Variants in FOXK1 observed in about 807,000 individuals in gnomAD.
FOXK1 encodes forkhead box protein K1.
FOXK1 carries 19 observed loss-of-function variants against 51.9 expected under a neutral mutation model. That is an observed-to-expected ratio of 0.37 (90% CI 0.26 to 0.54). The LOEUF is 0.54. Among genes scored for constraint, FOXK1 ranks in the 20% least tolerant of loss-of-function variants. FOXK1 has a pLI of 0.87. For missense variants in FOXK1, 870 were observed against 1,032.7 expected, an observed-to-expected ratio of 0.84 and a Z score of 2.16; for synonymous variants, 537 against 482.6, an observed-to-expected ratio of 1.11 and a Z score of -1.48.
intron 1 of FOXK1, among the ~76,000 whole-genome samples, chr7:4,684,072 C>G (rs1026215926): frequency 1.6e-4 from 25 of 152,214 alleles, no homozygotes; most frequent in Admixed American, 2.0e-4. Context: ...CACCTCCCGC[C>G]CATTCCGGTT....
At position 4,767,626 on chromosome 7, in the gene FOXK1, T is replaced by C. The variant is rs750369524; in HGVS notation, c.*5162T>C. The C allele has an allele frequency of 2.0e-5, 3 of 152,234 alleles. No individual in the cohort carries two copies. Among genetic ancestry groups the C allele is most frequent in the East Asian group, 1.9e-4 (1 of 5,192 alleles). 9.4% of individuals were successfully genotyped at this position (152,234 alleles called of 1,614,324 possible). On this transcript the variant is annotated 3_prime_UTR_variant, in exon 9 of 9. Coordinates refer to ENST00000328914, the MANE Select transcript of FOXK1 (RefSeq NM_001037165.2). The surrounding 1 kb of genome is among the most constrained non-coding windows in gnomAD (Gnocchi z 6.6). ...GGAAATGAGGGTAGAATTTGAAATA[T>C]AACAAATGGTCTCTCGCCCGGTTCT...
intron 1 of FOXK1, among the ~76,000 whole-genome samples, chr7:4,692,866 A>G (rs1000320518): frequency 2.6e-5 from 4 of 152,286 alleles, no homozygotes; most frequent in Middle Eastern, 6.8e-3. Context: ...AGCTGGGACC[A>G]CAGGTGAGCA....
At chr7:4,701,949 C>A (rs899005392) in intron 1 of FOXK1, among the ~76,000 whole-genome samples, 1 of 152,032 alleles carries the variant, frequency 6.6e-6, no homozygotes, top group Admixed American at 6.6e-5. Flanking sequence ...GTGGTGCTTG[C>A]CTGTACTCGC....
At chr7:4,706,964 C>T (rs1202581474) in intron 1 of FOXK1, among the ~76,000 whole-genome samples, 1 of 152,228 alleles carries the variant, frequency 6.6e-6, no homozygotes, top group African/African-American at 2.4e-5. Context: ...TTCCGGGCCA[C>T]TTCCCTCTAC....
chr7:4,739,900 G>T (rs544881589), intron 1 of FOXK1, among the ~76,000 whole-genome samples: 1 of 152,374 alleles, frequency 6.6e-6, no homozygotes, highest in East Asian at 1.9e-4. Context: ...TGCCCTGGCA[G>T]ACAGGAAGTA....
rs559377342 is a variant in FOXK1, at chr7:4,761,422, C to G, written c.1921+134C>G. 6.4e-6 allele frequency: 6 copies of G among 937,324 alleles called. No homozygotes were observed. Among genetic ancestry groups the G allele is most frequent in the East Asian group, 5.3e-5 (2 of 37,716 alleles). The allele number at this position is 937,324 out of a possible 1,614,324, so 58.1% of individuals were successfully genotyped here. A position where few individuals can be genotyped will look rare whatever the true frequency, so the allele number is the denominator to read the frequency against. ...CAATTTATTGAGCACCTGCTATACT[C>G]CAGGCACTGGGGTAATGCAAAGAAA... On this transcript the variant is annotated intron_variant, in intron 8 of 8. Transcript: ENST00000328914. This position sits in a 1 kb window ranked among gnomAD's most constrained non-coding sequence, Gnocchi z 6.2.
chr7:4,731,373 A>G lies in FOXK1; in HGVS notation c.561-9465A>G, dbSNP rs1780474568. Among the ~76,000 whole-genome samples, 1 of 152,258 alleles carries G rather than the reference A, an allele frequency of 6.6e-6. No homozygotes were observed. Among genetic ancestry groups the G allele is most frequent in the Non-Finnish European group, 1.5e-5 (1 of 68,048 alleles). ...ACACGTTGCAGCCTGCAAAATTCGA[A>G]AAGTACCTGGAGTATGTAACAGCTT... is the stretch of plus-strand genomic sequence containing the variant. On this transcript the variant is annotated intron_variant, in intron 1 of 8. Transcript: ENST00000328914. The surrounding 1 kb of genome is among the most constrained non-coding windows in gnomAD (Gnocchi z 5.3).
intron 1 of FOXK1, among the ~76,000 whole-genome samples, chr7:4,728,754 AAG>A (rs1472780540): frequency 1.3e-5 from 2 of 151,444 alleles, no homozygotes; most frequent in Admixed American, 1.3e-4. Flanking sequence ...AAAAAAAAGA[AAG>A]AAAAGAAAAC....
chr7:4,759,678 C>T (rs1188029031), intron 7 of FOXK1, 83 bp downstream of exon 7: 26 of 1,428,392 alleles, frequency 1.8e-5, no homozygotes, highest in Non-Finnish European at 2.4e-5. Context: ...CGCCATTGGC[C>T]TGGGCCTGGG....
chr7:4,737,462 A>ATG lies in FOXK1; in HGVS notation c.561-3365_561-3364dup, dbSNP rs923540727. ...TGCGTGTGTGTGCGTGCACGTGTGC[A>ATG]TGTGTGTGTGTGCGTGGGTGTGGGC... On this transcript the variant is annotated intron_variant, in intron 1 of 8. Coordinates refer to ENST00000328914, the MANE Select transcript of FOXK1 (RefSeq NM_001037165.2). Among the ~76,000 whole-genome samples the ATG allele has an allele frequency of 1.0e-4, 15 of 150,548 alleles. No individual in the cohort carries two copies. In the South Asian group the frequency reaches 1.9e-3, roughly 19 times the overall value.
rs1780685069 is a variant in FOXK1, at chr7:4,745,114, C to T, written c.746+4091C>T. ...CACTCTCCTCCTCTCTGGCTGCGCT[C>T]CCTAACAGATCGGGAGGTGGGAGCG... On this transcript the variant is annotated intron_variant, in intron 2 of 8. Transcript: ENST00000328914. This position sits in a 1 kb window ranked among gnomAD's most constrained non-coding sequence, Gnocchi z 4.3. Among the ~76,000 whole-genome samples the T allele has an allele frequency of 6.6e-6, 1 of 152,234 alleles. No individual in the cohort carries two copies.
intron 1 of FOXK1, among the ~76,000 whole-genome samples, chr7:4,737,399 C>T (rs772362453): frequency 3.3e-5 from 5 of 152,174 alleles, no homozygotes; most frequent in East Asian, 2.0e-4. Flanking sequence ...TGACTGCCAT[C>T]GTGTCCAGCA....
chr7:4,717,913 G>A (rs1294196506), intron 1 of FOXK1, among the ~76,000 whole-genome samples: 1 of 152,134 alleles, frequency 6.6e-6, no homozygotes, highest in African/African-American at 2.4e-5. Flanking sequence ...TTGTAAAAGT[G>A]GGAGAATATT....
At chr7:4,713,829 C>G (rs981546459) in intron 1 of FOXK1, among the ~76,000 whole-genome samples, 12 of 149,104 alleles carry the variant, frequency 8.0e-5, no homozygotes, top group African/African-American at 3.0e-4. Context: ...TTCTTTTTTT[C>G]TTTTCTTTTT....
At chr7:4,689,053 T>G (rs948820902) in intron 1 of FOXK1, among the ~76,000 whole-genome samples, 5 of 151,914 alleles carry the variant, frequency 3.3e-5, no homozygotes, top group African/African-American at 1.2e-4. Context: ...CTTGGCTCAT[T>G]GCAACCCCCT....
rs1781090964 is a variant in FOXK1, at chr7:4,770,902, T to TGTGTGTGC, written c.*8438_*8439insGTGTGTGC. On this transcript the variant is annotated 3_prime_UTR_variant, in exon 9 of 9. Coordinates refer to ENST00000328914, the MANE Select transcript of FOXK1 (RefSeq NM_001037165.2). ...GTGTGTGTGTGTGTGTGTGTGTGTG[T>TGTGTGTGC]ATTTTTTTTTTTACAGTGGCGCCTG... 1.4e-5 allele frequency: 2 copies of TGTGTGTGC among 140,248 alleles called. No individual in the cohort carries two copies. Among genetic ancestry groups the TGTGTGTGC allele is most frequent in the African/African-American group, 5.4e-5 (2 of 37,052 alleles). The allele number at this position is 140,248 out of a possible 1,614,324, so 8.7% of individuals were successfully genotyped here.
rs1206998172 is a variant in FOXK1 at position 4,731,229 on chromosome 7, C to T, written c.561-9609C>T. On this transcript the variant is annotated intron_variant, in intron 1 of 8. Coordinates refer to ENST00000328914, the MANE Select transcript of FOXK1 (RefSeq NM_001037165.2). This position sits in a 1 kb window ranked among gnomAD's most constrained non-coding sequence, Gnocchi z 5.3. ...CAAGTCAAGCTCTGCTGTTCCCCGG[C>T]CTTCCCTTGAGACTCTTGGGGGCCT... 6.6e-6 allele frequency among the ~76,000 whole-genome samples: 1 copy of T among 152,196 alleles called. No homozygotes were observed. The highest frequency in any genetic ancestry group is 1.5e-5 in the Non-Finnish European group (1 of 68,024).
chr7:4,759,586 G>A lies in FOXK1; in HGVS notation c.1687G>A (p.Glu563Lys), dbSNP rs763284610. 31 of 1,536,008 alleles carry A rather than the reference G, an allele frequency of 2.0e-5. No individual in the cohort carries two copies. The East Asian group carries it at 6.8e-4, about 34-fold the overall frequency. The change falls in exon 7 of 9, where the codon GAG becomes AAG. Residue 563 changes from glutamate to lysine, a missense_variant. Physicochemically the swap from Glu to Lys is moderately conservative, Grantham distance 56 (BLOSUM62 1). This residue lies in a region of FOXK1 where 457 missense variants were observed against 510.8 expected (regional missense o/e 0.89). Transcript: ENST00000328914. Reference sequence around the variant, plus strand: ...CGCAGCCGTGCTGGACCTGGGCAGCGAGGCCAGAGGTAATGCAGCCGCGGC... The same window carrying A: ...CGCAGCCGTGCTGGACCTGGGCAGCAAGGCCAGAGGTAATGCAGCCGCGGC... ...AGAAVLDLGS[E>K]ARGLEEKPTI...
At chr7:4,690,885 C>T (rs1043808911) in intron 1 of FOXK1, among the ~76,000 whole-genome samples, 1 of 152,130 alleles carries the variant, frequency 6.6e-6, no homozygotes, top group Non-Finnish European at 1.5e-5. Flanking sequence ...GCAGCAATGC[C>T]TCATTTCCAT....
Sources: allele counts gnomAD v4.1 joint callset (sites outside exome capture counted in the v4.1 genomes callset), GRCh38; gene constraint gnomAD v4.1.1; regional missense constraint gnomAD v4.1.1; non-coding constraint Gnocchi (gnomAD v3.1); transcripts MANE v1.5; gene names NCBI Gene and HGNC (gene_info 2026-07-23, HGNC 2026-07-21).